Variants in ART1 observed in about 807,000 individuals in gnomAD.
ART1 encodes the protein GPI-linked NAD(P)(+)--arginine ADP-ribosyltransferase 1.
ART1 carries 29 observed loss-of-function variants against 27.0 expected under a neutral mutation model. The observed-to-expected ratio is 1.08, with a 90% confidence interval of 0.80 to 1.47. The LOEUF (loss-of-function observed/expected upper bound fraction) is 1.47. ART1 is among the 40% of genes most tolerant of loss of function. The probability of loss-of-function intolerance (pLI) is 0.00; values close to 1 mark genes in which losing one functional copy is unlikely to be tolerated. For missense variants in ART1, 480 were observed against 423.0 expected (o/e 1.13, Z -1.18); for synonymous variants, 201 against 172.2 (o/e 1.17, Z -1.31).
intron 4 of ART1, 117 bp from the exon 5 acceptor site, chr11:3,663,975 T>C (rs1225227150): frequency 8.9e-6 from 8 of 900,170 alleles, no homozygotes; most frequent in Non-Finnish European, 1.4e-5. Flanking sequence ...TCTGTCCAGC[T>C]CACTCTGCCA....
chr11:3,657,404 A>C (rs930687121), intron 1 of ART1, among the ~76,000 whole-genome samples: 1 of 151,910 alleles, frequency 6.6e-6, no homozygotes, highest in Non-Finnish European at 1.5e-5. Context: ...GCAAAACCCC[A>C]CCTCTACAAA....
chr11:3,662,775 C>A (rs983970766), intron 4 of ART1, among the ~76,000 whole-genome samples: 2 of 152,268 alleles, frequency 1.3e-5, no homozygotes, highest in South Asian at 2.1e-4. Flanking sequence ...ACCTGGGAGG[C>A]GGAGGTTGCT....
intron 4 of ART1, among the ~76,000 whole-genome samples, chr11:3,662,629 G>A (rs181663075): frequency 6.6e-6 from 1 of 152,330 alleles, no homozygotes; most frequent in East Asian, 1.9e-4. Context: ...CAGATCACCT[G>A]AGGTCAGGAG....
chr11:3,657,436 A>T (rs2077583567), intron 1 of ART1, among the ~76,000 whole-genome samples: 1 of 152,094 alleles, frequency 6.6e-6, no homozygotes, highest in African/African-American at 2.4e-5. Context: ...TAAGCCAGGC[A>T]TCGTGATGTG....
intron 1 of ART1, among the ~76,000 whole-genome samples, chr11:3,649,711 C>T (rs1400238740): frequency 6.6e-6 from 1 of 152,166 alleles, no homozygotes; most frequent in Non-Finnish European, 1.5e-5. Context: ...TAGCCCTCCC[C>T]AACCTGCCCA....
At position 3,653,633 on chromosome 11, in the gene ART1, A is replaced by G. The variant is rs952630043; in HGVS notation, c.-52-5529A>G. Among the ~76,000 whole-genome samples the G allele has an allele frequency of 2.6e-5, 4 of 152,188 alleles. No homozygotes were observed. The East Asian group carries it at 7.7e-4, about 29-fold the overall frequency. ...TGGTGGTCTCTTCACACGGACGCGC[A>G]TGAAAAGAGGAGCTTCGTATTTTTT... On this transcript the variant is annotated intron_variant, in intron 1 of 4. Coordinates refer to ENST00000250693, the MANE Select transcript of ART1 (RefSeq NM_004314.3).
chr11:3,658,542 C>A (rs117590894), intron 1 of ART1, among the ~76,000 whole-genome samples: 11,300 of 152,080 alleles, frequency 0.074, 563 homozygotes, highest in Non-Finnish European at 0.11. Context: ...TCCCCTCTTC[C>A]CCCAGCACCC....
At chr11:3,648,190 C>T (rs911386559) in intron 1 of ART1, among the ~76,000 whole-genome samples, 7 of 152,174 alleles carry the variant, frequency 4.6e-5, no homozygotes, top group African/African-American at 9.7e-5. Flanking sequence ...ACGGCCCCAC[C>T]CTTATCTCCC....
At chr11:3,650,944 T>G (rs202246921) in intron 1 of ART1, among the ~76,000 whole-genome samples, 5 of 144,064 alleles carry the variant, frequency 3.5e-5, no homozygotes, top group African/African-American at 1.2e-4. Flanking sequence ...TCCCACAGCA[T>G]GCTTTGAAAG....
At chr11:3,656,021 C>G (rs2077572174) in intron 1 of ART1, among the ~76,000 whole-genome samples, 1 of 150,724 alleles carries the variant, frequency 6.6e-6, no homozygotes, top group Admixed American at 6.7e-5. Flanking sequence ...CAACCTCCAC[C>G]TCCCAGGTTC....
At chr11:3,654,997 G>T (rs537582107) in intron 1 of ART1, among the ~76,000 whole-genome samples, 1 of 152,236 alleles carries the variant, frequency 6.6e-6, no homozygotes, top group Non-Finnish European at 1.5e-5. Flanking sequence ...CTATTTTGCC[G>T]TGTGCCACAA....
intron 1 of ART1, among the ~76,000 whole-genome samples, chr11:3,653,727 T>A (rs1469198654): frequency 6.6e-6 from 1 of 152,134 alleles, no homozygotes; most frequent in Non-Finnish European, 1.5e-5. Flanking sequence ...CATCCTTGAT[T>A]TTTCCCTCTC....
intron 1 of ART1, among the ~76,000 whole-genome samples, chr11:3,650,024 C>T (rs1387013873): frequency 2.0e-5 from 3 of 152,164 alleles, no homozygotes; most frequent in African/African-American, 7.2e-5. Context: ...CTTAATTAAC[C>T]TCACCTTCAA....
At chr11:3,655,379 C>G (rs1311474856) in intron 1 of ART1, 1 of 152,356 alleles carries the variant, frequency 6.6e-6, no homozygotes, top group Non-Finnish European at 1.5e-5. Flanking sequence ...CTGTGATCAA[C>G]TAGTCCCACT....
chr11:3,646,983 A>G (rs1455421263), intron 1 of ART1, among the ~76,000 whole-genome samples: 1 of 152,144 alleles, frequency 6.6e-6, no homozygotes, highest in Non-Finnish European at 1.5e-5. Context: ...CTCACATTAA[A>G]TGTTCTTGCT....
At chr11:3,647,494 C>T (rs371933142) in intron 1 of ART1, among the ~76,000 whole-genome samples, 18 of 151,364 alleles carry the variant, frequency 1.2e-4, no homozygotes, top group South Asian at 1.0e-3. Context: ...ATTAGCTGGG[C>T]GTGCTTGTGG....
chr11:3,663,951 G>A lies in ART1; in HGVS notation c.887-141G>A, dbSNP rs893466394. 5.7e-6 allele frequency: 4 copies of A among 704,010 alleles called. No individual in the cohort carries two copies. The African/African-American group carries it at 7.2e-5, about 13-fold the overall frequency. 43.6% of individuals were successfully genotyped at this position (704,010 alleles called of 1,614,324 possible). A position where few individuals can be genotyped will look rare whatever the true frequency, so the allele number is the denominator to read the frequency against. ...ATCTTCATCTCTGTTGCCCGTGGCA[G>A]TTTTGTGTATCAGTCTGTCCAGCTC... On this transcript the variant is annotated intron_variant, in intron 4 of 4. Coordinates refer to ENST00000250693, the MANE Select transcript of ART1 (RefSeq NM_004314.3).
At chr11:3,647,653 TAAATAA>T (rs958267996) in intron 1 of ART1, among the ~76,000 whole-genome samples, 4 of 144,982 alleles carry the variant, frequency 2.8e-5, no homozygotes, top group South Asian at 2.1e-4. Flanking sequence ...AAATAATATA[TAAATAA>T]AAATAAAAAT....
At chr11:3,647,378 A>G (rs890932665) in intron 1 of ART1, among the ~76,000 whole-genome samples, 1 of 151,412 alleles carries the variant, frequency 6.6e-6, no homozygotes, top group Non-Finnish European at 1.5e-5. Flanking sequence ...GCTCAGGCCT[A>G]TAATCCCAGC....
Sources: gnomAD v4.1 joint callset for allele counts (sites outside exome capture counted in the v4.1 genomes callset) on GRCh38, gnomAD v4.1.1 for gene constraint, MANE v1.5 for transcripts, NCBI Gene and HGNC (gene_info 2026-07-23, HGNC 2026-07-21) for gene names.